Variants in MVB12B observed in about 807,000 individuals in gnomAD.
The protein encoded by MVB12B is multivesicular body subunit 12B.
A neutral mutation model predicts 41.6 loss-of-function variants in MVB12B; 16 were observed. The ratio of observed to expected loss-of-function variants is 0.38; its 90% CI spans 0.26 to 0.58. The LOEUF (loss-of-function observed/expected upper bound fraction) is 0.58, where lower values mean the gene tolerates loss of function less well. MVB12B is among the 20% of genes least tolerant of loss of function. The pLI is 0.62. For synonymous variants in MVB12B, 133 were observed against 139.7 expected (o/e 0.95, Z 0.34); for missense variants, 274 against 380.2 (o/e 0.72, Z 2.32).
At chr9:126,424,891 C>T (rs1420104603) in intron 7 of MVB12B, among the ~76,000 whole-genome samples, 1 of 152,206 alleles carries the variant, frequency 6.6e-6, no homozygotes, top group Non-Finnish European at 1.5e-5. Context: ...AGGATAAGCA[C>T]CGCCACTTCT....
At chr9:126,496,027 C>T (rs1194586766) in intron 9 of MVB12B, among the ~76,000 whole-genome samples, 1 of 152,058 alleles carries the variant, frequency 6.6e-6, no homozygotes, top group East Asian at 1.9e-4. Flanking sequence ...CCCAGGGGCC[C>T]CAGGGCTGTG....
chr9:126,447,762 A>C (rs1412306649), intron 7 of MVB12B, among the ~76,000 whole-genome samples: 1 of 152,204 alleles, frequency 6.6e-6, no homozygotes, highest in Non-Finnish European at 1.5e-5. Context: ...ATTTGACCAA[A>C]CAATGGTAGC....
At chr9:126,425,552 CT>C (rs1832152670) in intron 7 of MVB12B, among the ~76,000 whole-genome samples, 1 of 152,238 alleles carries the variant, frequency 6.6e-6, no homozygotes, top group African/African-American at 2.4e-5. Flanking sequence ...TCGAAGTTTA[CT>C]GCAGAGCACT....
intron 3 of MVB12B, among the ~76,000 whole-genome samples, chr9:126,385,619 G>A (rs1293809870): frequency 2.0e-5 from 3 of 152,196 alleles, no homozygotes; most frequent in Non-Finnish European, 2.9e-5. Flanking sequence ...GGGCTTCGGG[G>A]ATGAGGCACT....
chr9:126,437,476 C>T (rs747403450), intron 7 of MVB12B, among the ~76,000 whole-genome samples: 105 of 152,282 alleles, frequency 6.9e-4, no homozygotes, highest in South Asian at 2.1e-4. Flanking sequence ...AATTAAAGCA[C>T]GGCTTTATGC....
chr9:126,498,643 G>A (rs972093723), intron 9 of MVB12B, among the ~76,000 whole-genome samples: 38 of 152,156 alleles, frequency 2.5e-4, no homozygotes, highest in African/African-American at 6.3e-4. Context: ...GCCTCTCTGG[G>A]CCCAGGCCTC....
chr9:126,348,728 CT>C lies in MVB12B; in HGVS notation c.204+8106del, dbSNP rs549610926. Among the ~76,000 whole-genome samples the C allele has an allele frequency of 3.3e-5, 5 of 152,026 alleles. No homozygotes were observed. The East Asian group carries it at 7.7e-4, about 23-fold the overall frequency. On this transcript the variant is annotated intron_variant, in intron 2 of 9. Coordinates refer to ENST00000361171, the MANE Select transcript of MVB12B (RefSeq NM_033446.3). ...GAGGCGCTTGCTTTAATTTTTCTTT[CT>C]TTTTTTTCAGTTAAACTTTTTATTT...
chr9:126,333,792 T>C lies in MVB12B; in HGVS notation c.82-6716T>C, dbSNP rs1046204728. On this transcript the variant is annotated intron_variant, in intron 1 of 9. Coordinates refer to ENST00000361171, the MANE Select transcript of MVB12B (RefSeq NM_033446.3). The surrounding 1 kb of genome is among the most constrained non-coding windows in gnomAD (Gnocchi z 4.7). ...CTGTCAAGAGGAAGGAGGGGGAGACTGGAGGGCTGATTCTGAGGCTTTTCT... is the reference window on the plus strand; with the variant it reads ...CTGTCAAGAGGAAGGAGGGGGAGACCGGAGGGCTGATTCTGAGGCTTTTCT... Among the ~76,000 whole-genome samples, 1 of 152,172 alleles carries C rather than the reference T, an allele frequency of 6.6e-6. No individual in the cohort carries two copies. The highest frequency in any genetic ancestry group is 1.5e-5 in the Non-Finnish European group (1 of 68,038).
At chr9:126,490,448 G>A (rs1343620710) in intron 9 of MVB12B, among the ~76,000 whole-genome samples, 2 of 152,176 alleles carry the variant, frequency 1.3e-5, no homozygotes, top group Admixed American at 6.5e-5. Flanking sequence ...GAGAAGTCCG[G>A]AGCGACTTCC....
chr9:126,491,423 T>C (rs76140390), intron 9 of MVB12B, among the ~76,000 whole-genome samples: 1 of 112,136 alleles, frequency 8.9e-6, no homozygotes, highest in East Asian at 7.6e-4. Flanking sequence ...TTATTAGATG[T>C]TGAAGAATTT....
intron 7 of MVB12B, among the ~76,000 whole-genome samples, chr9:126,466,322 C>T (rs1008226533): frequency 2.6e-5 from 4 of 152,178 alleles, no homozygotes; most frequent in African/African-American, 9.7e-5. Context: ...TTGGCCGACC[C>T]AGCACTCCAA....
intron 6 of MVB12B, among the ~76,000 whole-genome samples, chr9:126,400,534 C>T (rs1384889058): frequency 6.6e-6 from 1 of 152,192 alleles, no homozygotes; most frequent in Non-Finnish European, 1.5e-5. Flanking sequence ...TCCCCACCTA[C>T]AGAAATTCAG....
intron 7 of MVB12B, among the ~76,000 whole-genome samples, chr9:126,453,689 G>A (rs531786628): frequency 3.9e-5 from 6 of 152,280 alleles, no homozygotes; most frequent in African/African-American, 9.6e-5. Flanking sequence ...CATGCGTTAC[G>A]TGGCACATGC....
intron 7 of MVB12B, among the ~76,000 whole-genome samples, chr9:126,454,477 T>C (rs553649248): frequency 2.0e-5 from 3 of 152,352 alleles, no homozygotes; most frequent in South Asian, 2.1e-4. Flanking sequence ...GCTAATCCCA[T>C]TGAGCCTCGG....
intron 2 of MVB12B, among the ~76,000 whole-genome samples, chr9:126,353,534 T>C (rs949853503): frequency 6.6e-6 from 1 of 152,164 alleles, no homozygotes; most frequent in Non-Finnish European, 1.5e-5. Flanking sequence ...CTCATAGAAT[T>C]GTGTTGAGGA....
chr9:126,378,192 A>C (rs1830533821), intron 2 of MVB12B, among the ~76,000 whole-genome samples: 1 of 152,242 alleles, frequency 6.6e-6, no homozygotes, highest in Admixed American at 6.5e-5. Flanking sequence ...AAGTTTCTGC[A>C]GTGCCGCCAG....
At chr9:126,495,749 T>C (rs930058311) in intron 9 of MVB12B, among the ~76,000 whole-genome samples, 1 of 152,144 alleles carries the variant, frequency 6.6e-6, no homozygotes, top group African/African-American at 2.4e-5. Flanking sequence ...CCCTATGTTT[T>C]TTTCAATAAC....
intron 8 of MVB12B, among the ~76,000 whole-genome samples, chr9:126,482,163 A>G (rs950843307): frequency 1.4e-5 from 2 of 144,242 alleles, no homozygotes; most frequent in African/African-American, 5.0e-5. Flanking sequence ...CAGCCCTCCA[A>G]TGGCGCCAGC....
chr9:126,449,630 C>T (rs1008137227), intron 7 of MVB12B, among the ~76,000 whole-genome samples: 2 of 152,222 alleles, frequency 1.3e-5, no homozygotes, highest in African/African-American at 4.8e-5. Context: ...ACAGGGCTGG[C>T]CTGGGCCCAG....
Sources: allele counts gnomAD v4.1 joint callset (sites outside exome capture counted in the v4.1 genomes callset), GRCh38; gene constraint gnomAD v4.1.1; non-coding constraint Gnocchi (gnomAD v3.1); transcripts MANE v1.5; gene names NCBI Gene and HGNC (gene_info 2026-07-23, HGNC 2026-07-21).